The following SCO1 variants were observed in gnomAD, a reference collection of about 807,000 sequenced individuals.
SCO1 encodes synthesis of cytochrome C oxidase 1.
SCO1 carries 23 observed loss-of-function variants against 34.0 expected under a neutral mutation model. That is an observed-to-expected ratio of 0.68 (90% CI 0.49 to 0.96). The LOEUF (loss-of-function observed/expected upper bound fraction) is 0.96. Ranked by LOEUF, SCO1 falls within the 40% of genes least tolerant of loss-of-function variation. The pLI, the probability that SCO1 is intolerant of heterozygous loss-of-function variation, is 0.00. For missense variants in SCO1, 404 were observed against 381.6 expected (o/e 1.06, Z -0.49); for synonymous variants, 161 against 145.5 (o/e 1.11, Z -0.77).
chr17:10,695,616 T>A lies in SCO1; in HGVS notation c.364+125A>T, dbSNP rs1020455118. 1.0e-5 allele frequency: 7 copies of A among 691,652 alleles called. No homozygotes were observed. The East Asian group carries it at 1.9e-4, about 19-fold the overall frequency. The allele number at this position is 691,652 out of a possible 1,614,324, so 42.8% of individuals were successfully genotyped here. ...TGAAAGGTATGTAGAACCTATGCTA[T>A]CTTTGCAATTTTTTGGTAAATCTAA... On this transcript the variant is annotated intron_variant, in intron 2 of 5. Transcript: ENST00000255390.
At chr17:10,682,482 T>C (rs2074628667) in intron 5 of SCO1, among the ~76,000 whole-genome samples, 1 of 152,162 alleles carries the variant, frequency 6.6e-6, no homozygotes, top group African/African-American at 2.4e-5. Context: ...TCTCCAGTTC[T>C]CTCTTCAAGC....
At position 10,676,324 on chromosome 17, in the gene SCO1, C is replaced by T. The variant is rs905461261; in HGVS notation, c.*4795G>A. 2 of 152,212 alleles carry T rather than the reference C, an allele frequency of 1.3e-5. No homozygotes were observed. Among genetic ancestry groups the T allele is most frequent in the Non-Finnish European group, 2.9e-5 (2 of 68,086 alleles). The allele number at this position is 152,212 out of a possible 1,614,324, so 9.4% of individuals were successfully genotyped here. On this transcript the variant is annotated 3_prime_UTR_variant, in exon 6 of 6. Transcript: ENST00000255390. ...CAGGCCAGTCTCGAACTCTCAACCT[C>T]AGGTGATCCACCCGCCTTTGCTTCC...
chr17:10,695,319 C>T (rs777334067), intron 2 of SCO1, among the ~76,000 whole-genome samples: 1 of 152,156 alleles, frequency 6.6e-6, no homozygotes, highest in East Asian at 1.9e-4. Context: ...GTTTCCCTTC[C>T]GTGTGCACCT....
chr17:10,683,477 G>T (rs974928546), intron 5 of SCO1, among the ~76,000 whole-genome samples: 1 of 152,066 alleles, frequency 6.6e-6, no homozygotes, highest in South Asian at 2.1e-4. Context: ...TCTGAAGAGG[G>T]TGTATGAGTT....
rs1025891902 is a variant in SCO1, at chr17:10,675,746, A to C, written c.*5373T>G. The C allele has an allele frequency of 2.6e-5, 4 of 152,150 alleles. No homozygotes were observed. Among genetic ancestry groups the C allele is most frequent in the African/African-American group, 9.7e-5 (4 of 41,434 alleles). The allele number at this position is 152,150 out of a possible 1,614,324, so 9.4% of individuals were successfully genotyped here. A position where few individuals can be genotyped will look rare whatever the true frequency, so the allele number is the denominator to read the frequency against. ...TGTTTTACAAATTTAAAGAAAAAAA[A>C]CACCCAACAACGAGGACAAATGCGT... On this transcript the variant is annotated 3_prime_UTR_variant, in exon 6 of 6. Coordinates refer to ENST00000255390, the MANE Select transcript of SCO1 (RefSeq NM_004589.4).
chr17:10,687,236 A>G lies in SCO1; in HGVS notation c.656-394T>C, dbSNP rs184442357. On this transcript the variant is annotated intron_variant, in intron 4 of 5. Transcript: ENST00000255390. ...GGGGAAAAAAATTTGCTTCATAACT[A>G]AGTTCATATCAGGTCAAAATACCTG... Among the ~76,000 whole-genome samples the G allele has an allele frequency of 4.1e-4, 63 of 152,346 alleles. 1 individual carries two copies. The highest frequency in any genetic ancestry group is 3.4e-3 in the Admixed American group (52 of 15,294).
intron 5 of SCO1, among the ~76,000 whole-genome samples, chr17:10,681,599 T>C (rs989290553): frequency 3.9e-5 from 6 of 152,212 alleles, no homozygotes; most frequent in African/African-American, 1.4e-4. Context: ...TCAATGTTTG[T>C]GGAATAGCAA....
Position 10,680,814 on chromosome 17 carries a change from C to T in SCO1, c.*305G>A. On this transcript the variant is annotated 3_prime_UTR_variant, in exon 6 of 6. Coordinates refer to ENST00000255390, the MANE Select transcript of SCO1 (RefSeq NM_004589.4). ...GAGGGCCTGTTCGCAGGCAGGAATG[C>T]ACTGGCTGTGCCTCGCCCCGCCATG... The T allele has an allele frequency of 4.5e-6, 2 of 447,184 alleles. No homozygotes were observed. Among genetic ancestry groups the T allele is most frequent in the Non-Finnish European group, 8.2e-6 (2 of 243,158 alleles). The allele number at this position is 447,184 out of a possible 1,614,324, so 27.7% of individuals were successfully genotyped here. A position where few individuals can be genotyped will look rare whatever the true frequency, so the allele number is the denominator to read the frequency against.
intron 4 of SCO1, among the ~76,000 whole-genome samples, chr17:10,689,419 T>C (rs866907533): frequency 2.0e-5 from 3 of 152,148 alleles, no homozygotes; most frequent in African/African-American, 7.2e-5. Context: ...ATGTGTCATA[T>C]AATATAAATA....
rs541323650 is a variant in SCO1 at position 10,680,775 on chromosome 17, G to A, written c.*344C>T. The A allele has an allele frequency of 3.2e-5, 12 of 370,504 alleles. No individual in the cohort carries two copies. Among genetic ancestry groups the A allele is most frequent in the East Asian group, 1.2e-4 (2 of 16,122 alleles). The allele number at this position is 370,504 out of a possible 1,614,324, so 23.0% of individuals were successfully genotyped here. On this transcript the variant is annotated 3_prime_UTR_variant, in exon 6 of 6. Coordinates refer to ENST00000255390, the MANE Select transcript of SCO1 (RefSeq NM_004589.4). ...CAAGGGCCCAAGACGATGGAGAGGC[G>A]GCAAAGCTGCTGGGAGGGCCTGTTC...
Position 10,679,714 on chromosome 17 carries a change from A to G in SCO1, c.*1405T>C, listed in dbSNP as rs1335799648. The G allele has an allele frequency of 1.3e-5, 2 of 152,112 alleles. No homozygotes were observed. The highest frequency in any genetic ancestry group is 2.4e-5 in the African/African-American group (1 of 41,388). The allele number at this position is 152,112 out of a possible 1,614,324, so 9.4% of individuals were successfully genotyped here. A position where few individuals can be genotyped will look rare whatever the true frequency, so the allele number is the denominator to read the frequency against. On this transcript the variant is annotated 3_prime_UTR_variant, in exon 6 of 6. Coordinates refer to ENST00000255390, the MANE Select transcript of SCO1 (RefSeq NM_004589.4). ...CTATCACTCAATAATCATTTTCTTC[A>G]ATGGCTGACACACCAAAAGAAGGGT... is the stretch of plus-strand genomic sequence containing the variant.
Position 10,678,630 on chromosome 17 carries a change from G to C in SCO1, c.*2489C>G, listed in dbSNP as rs1425659625. The C allele has an allele frequency of 6.6e-6, 1 of 152,156 alleles. No homozygotes were observed. Among genetic ancestry groups the C allele is most frequent in the Non-Finnish European group, 1.5e-5 (1 of 68,032 alleles). The allele number at this position is 152,156 out of a possible 1,614,324, so 9.4% of individuals were successfully genotyped here. A position where few individuals can be genotyped will look rare whatever the true frequency, so the allele number is the denominator to read the frequency against. ...ACTTAATATCTCTTTTGTTAAATGA[G>C]AATAGTCTTTTAGTAAGTTCCTTTC... On this transcript the variant is annotated 3_prime_UTR_variant, in exon 6 of 6. Transcript: ENST00000255390.
chr17:10,697,109 C>T, intron 1 of SCO1, 126 bp downstream of exon 1: 1 of 911,654 alleles, frequency 1.1e-6, no homozygotes, highest in Non-Finnish European at 1.6e-6. Context: ...CCAGGTAAGG[C>T]GCGCAAGCTA....
At position 10,674,351 on chromosome 17, in the gene SCO1, G is replaced by C. The variant is rs542433817; in HGVS notation, c.*6768C>G. The C allele has an allele frequency of 1.9e-3, 357 of 183,566 alleles. 2 individuals are homozygous for C. The highest frequency in any genetic ancestry group is 8.2e-3 in the African/African-American group (342 of 41,900). 11.4% of individuals were successfully genotyped at this position (183,566 alleles called of 1,614,324 possible). On this transcript the variant is annotated 3_prime_UTR_variant, in exon 6 of 6. Transcript: ENST00000255390. Reference sequence around the variant, plus strand: ...TGAGGCAGCAGAATCACTTGAACCAGGGAGGTGGAGGTTGCAGTGAGCCAA... The same window carrying C: ...TGAGGCAGCAGAATCACTTGAACCACGGAGGTGGAGGTTGCAGTGAGCCAA...
intron 1 of SCO1, among the ~76,000 whole-genome samples, chr17:10,696,991 C>G (rs1336523272): frequency 6.8e-6 from 1 of 147,688 alleles, no homozygotes; most frequent in Non-Finnish European, 1.5e-5. Flanking sequence ...AACATAAAAT[C>G]CAAGTCGGGG....
rs745856586 is a variant in SCO1, at chr17:10,697,245, G to A, written c.263C>T (p.Ser88Leu). The change falls in exon 1 of 6, where the codon TCG (serine) becomes TTG (leucine). Residue 88 changes from serine (S) to leucine (L), a missense_variant. Coordinates refer to ENST00000255390, the MANE Select transcript of SCO1 (RefSeq NM_004589.4). ...QKGPGDSTRP[S>L]KPGPVSWKSL... Reference sequence around the variant, plus strand: ...CAGGTGTGCACTCACCCCGGGCTTCGAGGGGCGCGTGGAGTCTCCGGGGCC... The same window carrying A: ...CAGGTGTGCACTCACCCCGGGCTTCAAGGGGCGCGTGGAGTCTCCGGGGCC... The A allele has an allele frequency of 6.4e-7, 1 of 1,558,452 alleles. No homozygotes were observed. Among genetic ancestry groups the A allele is most frequent in the Non-Finnish European group, 8.7e-7 (1 of 1,151,518 alleles).
chr17:10,697,456 G>A lies in SCO1; in HGVS notation c.52C>T (p.Gln18Ter), dbSNP rs755726280. The A allele has an allele frequency of 5.0e-6, 8 of 1,613,184 alleles. No homozygotes were observed. Residue 18 changes from glutamine (Q) to a stop codon, truncating the protein, a stop_gained, in exon 1 of 6, where the codon CAA becomes TAA. Transcript: ENST00000255390. LOFTEE classifies it high-confidence loss of function. Reference protein sequence around the residue: ...PGRVMRPLGGQLWRFLPRGLE... With the variant: ...PGRVMRPLGG ...CCGCGAGGCAAGAAGCGCCAAAGTT[G>A]GCCACCCAGAGGCCGCATAACTCGT...
In SCO1 at chr17:10,697,419, C is replaced by T. The variant is rs750193116; in HGVS notation, c.89G>A (p.Trp30Ter). 1.2e-6 allele frequency: 2 copies of T among 1,610,516 alleles called. No individual in the cohort carries two copies. The highest frequency in any genetic ancestry group is 2.2e-5 in the South Asian group (2 of 90,514). Reference protein sequence around the residue: ...WRFLPRGLEFWGPAEGTARVL... With the variant: ...WRFLPRGLEF ...TCTCGCAGTCCCCTCGGCTGGGCCC[C>T]AAAACTCGAGTCCGCGAGGCAAGAA... is the stretch of plus-strand genomic sequence containing the variant. Residue 30 changes from tryptophan to a stop codon, truncating the protein, a stop_gained, in exon 1 of 6, where the codon TGG becomes TAG. Coordinates refer to ENST00000255390, the MANE Select transcript of SCO1 (RefSeq NM_004589.4). LOFTEE classifies it high-confidence loss of function.
Position 10,675,804 on chromosome 17 carries a change from G to A in SCO1, c.*5315C>T, listed in dbSNP as rs1336683653. 1 of 152,086 alleles carries A rather than the reference G, an allele frequency of 6.6e-6. No individual in the cohort carries two copies. Among genetic ancestry groups the A allele is most frequent in the African/African-American group, 2.4e-5 (1 of 41,416 alleles). 9.4% of individuals were successfully genotyped at this position (152,086 alleles called of 1,614,324 possible). On this transcript the variant is annotated 3_prime_UTR_variant, in exon 6 of 6. Transcript: ENST00000255390. Reference sequence around the variant, plus strand: ...TTTAAACTGGTCCAACCTGAATAACGCCACCCTATGTTTAAGAATGGGAAG... The same window carrying A: ...TTTAAACTGGTCCAACCTGAATAACACCACCCTATGTTTAAGAATGGGAAG...
Sources: gnomAD v4.1 joint callset for allele counts (sites outside exome capture counted in the v4.1 genomes callset) on GRCh38, gnomAD v4.1.1 for gene constraint, MANE v1.5 for transcripts, NCBI Gene and HGNC (gene_info 2026-07-23, HGNC 2026-07-21) for gene names.